The following FCAR variants were observed in gnomAD, a reference collection of about 807,000 sequenced individuals.
FCAR encodes Fc alpha receptor.
A neutral mutation model predicts 27.1 loss-of-function variants in FCAR; 21 were observed. That is an observed-to-expected ratio of 0.77 (90% CI 0.55 to 1.11). The LOEUF is 1.11. FCAR is among the 50% of genes most tolerant of loss of function. The pLI is 0.00. For missense variants in FCAR, 404 were observed against 358.4 expected (o/e 1.13, Z -1.03); for synonymous variants, 134 against 135.8 (o/e 0.99, Z 0.09).
intron 3 of FCAR, among the ~76,000 whole-genome samples, chr19:54,886,290 C>T (rs2066717836): frequency 7.6e-6 from 1 of 132,428 alleles, no homozygotes; most frequent in Admixed American, 8.1e-5. Context: ...ATTCAGGTGT[C>T]ATGTATCTTT....
intron 2 of FCAR, among the ~76,000 whole-genome samples, chr19:54,879,562 A>G (rs1486451021): frequency 6.6e-6 from 1 of 152,190 alleles, no homozygotes; most frequent in Non-Finnish European, 1.5e-5. Flanking sequence ...AGAACATTAA[A>G]TATAGGCCCC....
chr19:54,887,904 C>T lies in FCAR; in HGVS notation c.362-103C>T, dbSNP rs906817824. On this transcript the variant is annotated intron_variant, in intron 3 of 4. Transcript: ENST00000355524. ...TGCACTCCAGCTTGGGCAATAAGAG[C>T]GAAACTCCATCTCAAAAAAATATAT... 9.3e-5 allele frequency: 88 copies of T among 943,854 alleles called. 1 individual carries two copies. In the East Asian group the frequency reaches 1.0e-3, roughly 11 times the overall value. The allele number at this position is 943,854 out of a possible 1,614,324, so 58.5% of individuals were successfully genotyped here.
At chr19:54,884,233 AC>A (rs2145896991) in intron 2 of FCAR, among the ~76,000 whole-genome samples, 1 of 152,256 alleles carries the variant, frequency 6.6e-6, no homozygotes, top group South Asian at 2.1e-4. Flanking sequence ...CACTGCTCCC[AC>A]GCACCATGCC....
chr19:54,883,731 G>A (rs1402648362), intron 2 of FCAR, among the ~76,000 whole-genome samples: 4 of 152,110 alleles, frequency 2.6e-5, no homozygotes, highest in African/African-American at 9.7e-5. Flanking sequence ...GAGATGGGCA[G>A]ATTGCGAAGT....
At chr19:54,877,285 T>C (rs1321294448) in intron 2 of FCAR, among the ~76,000 whole-genome samples, 1 of 152,222 alleles carries the variant, frequency 6.6e-6, no homozygotes, top group East Asian at 1.9e-4. Flanking sequence ...GAGCTCATTA[T>C]TGGTCTGTTC....
At chr19:54,888,544 T>G (rs1396696943) in intron 4 of FCAR, 1 of 1,331,030 alleles carries the variant, frequency 7.5e-7, no homozygotes, top group Non-Finnish European at 9.6e-7. Flanking sequence ...TGTTTCATTT[T>G]ATTTATTTCA....
At chr19:54,881,096 T>C (rs1415363491) in intron 2 of FCAR, among the ~76,000 whole-genome samples, 2 of 152,156 alleles carry the variant, frequency 1.3e-5, no homozygotes, top group African/African-American at 2.4e-5. Context: ...GAAGGGACCT[T>C]AGCAGCGGTT....
chr19:54,889,849 A>G lies in FCAR; in HGVS notation c.850A>G (p.Ser284Gly), dbSNP rs2066981811. ...AGGATTGACCTTTGCACGAACACCA[A>G]GTGTCTGCAAGTAAACACCTGGAGG... is the stretch of plus-strand genomic sequence containing the variant. ...QPGLTFARTP[S>G]VCK Residue 284 changes from serine to glycine, a missense_variant, in exon 5 of 5, where the codon AGT (serine) becomes GGT (glycine). Physicochemically the swap from Ser to Gly is moderately conservative, Grantham distance 56. Transcript: ENST00000355524. 1 of 1,602,506 alleles carries G rather than the reference A, an allele frequency of 6.2e-7. No individual in the cohort carries two copies. The highest frequency in any genetic ancestry group is 2.2e-5 in the East Asian group (1 of 44,876).
At position 54,880,112 on chromosome 19, in the gene FCAR, G is replaced by A. The variant is rs141761776; in HGVS notation, c.70+4747G>A. 8.5e-3 allele frequency among the ~76,000 whole-genome samples: 1,295 copies of A among 152,306 alleles called. 11 individuals carry two copies. Among genetic ancestry groups the A allele is most frequent in the Non-Finnish European group, 0.014 (940 of 68,020 alleles). The stretch of plus-strand genomic sequence containing the variant: ...TTTGATTCTTGGCCTCTCTAGTGAC[G>A]TTGGGGAAGTTTTCATGAACAATAC... On this transcript the variant is annotated intron_variant, in intron 2 of 4. Coordinates refer to ENST00000355524, the MANE Select transcript of FCAR (RefSeq NM_002000.4).
intron 1 of FCAR, 60 bp downstream of exon 1, chr19:54,874,383 G>A: frequency 6.5e-7 from 1 of 1,542,338 alleles, no homozygotes; most frequent in Non-Finnish European, 9.0e-7. Context: ...AAATAATCAG[G>A]GTGTCTCTTA....
At position 54,888,136 on chromosome 19, in the gene FCAR, T is replaced by C. The variant is rs117710908; in HGVS notation, c.491T>C (p.Leu164Pro). The change falls in exon 4 of 5, where the codon CTT (leucine) becomes CCT (proline). Residue 164 changes from leucine (L) to proline (P), a missense_variant. Transcript: ENST00000355524. Reference sequence around the variant, plus strand: ...TTTTCACTGGCCAAGGAGGGAGAACTTTCTCTGCCACAGCACCAAAGTGGG... The same window carrying C: ...TTTTCACTGGCCAAGGAGGGAGAACCTTCTCTGCCACAGCACCAAAGTGGG... ...DRFSLAKEGE[L>P]SLPQHQSGEH... The C allele has an allele frequency of 3.6e-4, 574 of 1,614,168 alleles. 4 individuals carry two copies. The East Asian group carries it at 8.7e-3, about 24-fold the overall frequency.
chr19:54,884,302 C>T (rs902767574), intron 2 of FCAR, among the ~76,000 whole-genome samples: 13 of 152,174 alleles, frequency 8.5e-5, no homozygotes, highest in African/African-American at 1.9e-4. Flanking sequence ...TCAATGCCTG[C>T]GGAGGTCCCC....
intron 2 of FCAR, among the ~76,000 whole-genome samples, chr19:54,881,320 C>G (rs1014375547): frequency 6.6e-6 from 1 of 152,140 alleles, no homozygotes; most frequent in African/African-American, 2.4e-5. Context: ...TTGAAGCACT[C>G]AGAGTCTTTG....
At chr19:54,879,648 T>C (rs140616639) in intron 2 of FCAR, among the ~76,000 whole-genome samples, 2,249 of 151,010 alleles carry the variant, frequency 0.015, 47 homozygotes, top group African/African-American at 0.051. Context: ...GTAGGTGACC[T>C]GCCCCTTCTT....
chr19:54,874,276 G>A lies in FCAR; in HGVS notation c.-14G>A, dbSNP rs1326457920. On this transcript the variant is annotated 5_prime_UTR_variant, in exon 1 of 5. Coordinates refer to ENST00000355524, the MANE Select transcript of FCAR (RefSeq NM_002000.4). ...TTGAAAGGAGAGCAACGGGGCTGAG[G>A]CCGTGTCAGCACGATGGACCCCAAA... 4 of 1,613,980 alleles carry A rather than the reference G, an allele frequency of 2.5e-6. No homozygotes were observed. In the Admixed American group the frequency reaches 6.7e-5, roughly 27 times the overall value.
intron 1 of FCAR, among the ~76,000 whole-genome samples, 192 bp from the exon 2 acceptor site, chr19:54,875,138 T>C (rs2145821542): frequency 6.6e-6 from 1 of 150,712 alleles, no homozygotes; most frequent in South Asian, 2.1e-4. Flanking sequence ...GCCACTGCAC[T>C]CCAGCTTGGG....
At chr19:54,886,543 G>A (rs113255882) in intron 3 of FCAR, among the ~76,000 whole-genome samples, 66 of 151,938 alleles carry the variant, frequency 4.3e-4, no homozygotes, top group Non-Finnish European at 7.8e-4. Context: ...TTCTGACCTC[G>A]TGATCCGCCC....
chr19:54,886,647 G>A (rs1242229228), intron 3 of FCAR, among the ~76,000 whole-genome samples: 1 of 152,010 alleles, frequency 6.6e-6, no homozygotes, highest in Non-Finnish European at 1.5e-5. Context: ...ACCGCACCTG[G>A]CCTCCCAAAG....
rs755696514 is a variant in FCAR at position 54,874,358 on chromosome 19, G to C, written c.34+35G>C. On this transcript the variant is annotated intron_variant, in intron 1 of 4. Coordinates refer to ENST00000355524, the MANE Select transcript of FCAR (RefSeq NM_002000.4). The stretch of plus-strand genomic sequence containing the variant: ...AGAGTAAAAGTGGGTTAGAGGGGAA[G>C]ATAGAGAAATCCCAAAATAATCAGG... The C allele has an allele frequency of 3.7e-5, 59 of 1,608,796 alleles. No homozygotes were observed. The South Asian group carries it at 6.0e-4, about 16-fold the overall frequency.
Sources: allele counts gnomAD v4.1 joint callset (sites outside exome capture counted in the v4.1 genomes callset), GRCh38; gene constraint gnomAD v4.1.1; transcripts MANE v1.5; gene names NCBI Gene and HGNC (gene_info 2026-07-23, HGNC 2026-07-21).